Variants in EIF3H observed in about 807,000 individuals in gnomAD.
EIF3H encodes the protein eukaryotic translation initiation factor 3 subunit H.
EIF3H carries 26 observed loss-of-function variants against 44.2 expected under a neutral mutation model. That is an observed-to-expected ratio of 0.59 (90% CI 0.43 to 0.82). The LOEUF (loss-of-function observed/expected upper bound fraction) is 0.82. Ranked by LOEUF, EIF3H falls within the 40% of genes least tolerant of loss-of-function variation. The probability of loss-of-function intolerance (pLI) is 0.00; values close to 1 mark genes in which losing one functional copy is unlikely to be tolerated. For missense variants in EIF3H, 359 were observed against 432.8 expected, an observed-to-expected ratio of 0.83 and a Z score of 1.51; for synonymous variants, 166 against 151.9, an observed-to-expected ratio of 1.09 and a Z score of -0.68.
intron 1 of EIF3H, among the ~76,000 whole-genome samples, chr8:116,751,321 T>C (rs1563662343): frequency 6.6e-6 from 1 of 152,172 alleles, no homozygotes; most frequent in East Asian, 1.9e-4. Flanking sequence ...TATTAGAACA[T>C]AAATTAGTAT....
chr8:116,729,374 C>A lies in EIF3H; in HGVS notation c.133-3202G>T, dbSNP rs544742330. On this transcript the variant is annotated intron_variant, in intron 1 of 7. Transcript: ENST00000521861. ...ATAAAAAAATTAATATATTTTAAAA[C>A]AAGTTATTACAGTTCAAACTATATT... 4.6e-5 allele frequency among the ~76,000 whole-genome samples: 7 copies of A among 152,212 alleles called. 1 individual carries two copies. In the South Asian group the frequency reaches 1.5e-3, roughly 32 times the overall value.
At chr8:116,654,654 A>C (rs1345811836) in intron 5 of EIF3H, among the ~76,000 whole-genome samples, 1 of 152,224 alleles carries the variant, frequency 6.6e-6, no homozygotes, top group Non-Finnish European at 1.5e-5. Context: ...GTTTGCAGTC[A>C]AACAGTATGC....
At chr8:116,713,827 C>T (rs1218782145) in intron 2 of EIF3H, among the ~76,000 whole-genome samples, 1 of 151,996 alleles carries the variant, frequency 6.6e-6, no homozygotes, top group Non-Finnish European at 1.5e-5. Context: ...TTTCAAAATA[C>T]TACGTAACAA....
At chr8:116,664,812 CTT>C (rs1813641771) in intron 2 of EIF3H, among the ~76,000 whole-genome samples, 4 of 152,060 alleles carry the variant, frequency 2.6e-5, no homozygotes, top group African/African-American at 2.4e-5. Flanking sequence ...TATTTAATGA[CTT>C]AATATTTTAT....
intron 6 of EIF3H, 150 bp from the exon 7 acceptor site, chr8:116,646,753 A>C: frequency 9.2e-7 from 1 of 1,092,460 alleles, no homozygotes; most frequent in Non-Finnish European, 1.3e-6. Flanking sequence ...CTTGCGTCTA[A>C]GAAGCTAAAT....
Position 116,755,790 on chromosome 8 carries a change from G to T in EIF3H, c.8C>A (p.Ser3Tyr). Reference sequence around the variant, plus strand: ...AGTAGAGCCGGTACCTTCCTTGCGGGACGCCATCTTTCCAAGCAGACAGGA... The same window carrying T: ...AGTAGAGCCGGTACCTTCCTTGCGGTACGCCATCTTTCCAAGCAGACAGGA... MA[S>Y]RKEGTGSTAT... is the part of the protein sequence containing the mutation. Residue 3 changes from serine to tyrosine, a missense_variant, in exon 1 of 8, where the codon TCC becomes TAC. By Grantham distance (144) the Ser-to-Tyr change is moderately radical. Coordinates refer to ENST00000521861, the MANE Select transcript of EIF3H (RefSeq NM_003756.3). 1 of 1,613,608 alleles carries T rather than the reference G, an allele frequency of 6.2e-7. No individual in the cohort carries two copies. Among genetic ancestry groups the T allele is most frequent in the Non-Finnish European group, 8.5e-7 (1 of 1,180,026 alleles).
At position 116,743,806 on chromosome 8, in the gene EIF3H, ACAC is replaced by A. The variant is rs1563659991; in HGVS notation, c.132+11857_132+11859del. ...TATATATATATATATATAAACACAC[ACAC>A]ACACACACACACACACACACACACA... On this transcript the variant is annotated intron_variant, in intron 1 of 7. Transcript: ENST00000521861. Among the ~76,000 whole-genome samples, 84 of 17,156 alleles carry A rather than the reference ACAC, an allele frequency of 4.9e-3. 1 individual carries two copies. The highest frequency in any genetic ancestry group is 0.014 in the Admixed American group (23 of 1,660). 11.3% of individuals were successfully genotyped at this position (17,156 alleles called of 152,430 possible).
At chr8:116,670,220 A>G (rs1298804298) in intron 2 of EIF3H, among the ~76,000 whole-genome samples, 3 of 152,216 alleles carry the variant, frequency 2.0e-5, no homozygotes, top group African/African-American at 7.2e-5. Context: ...GGTCACAAGT[A>G]CTGAGATGCA....
intron 1 of EIF3H, among the ~76,000 whole-genome samples, chr8:116,732,095 G>A (rs997253033): frequency 6.6e-6 from 1 of 152,154 alleles, no homozygotes; most frequent in African/African-American, 2.4e-5. Flanking sequence ...CCTGTCTGCT[G>A]AAATTACCCT....
chr8:116,712,257 C>T (rs904429953), intron 2 of EIF3H, among the ~76,000 whole-genome samples: 1 of 152,124 alleles, frequency 6.6e-6, no homozygotes, highest in African/African-American at 2.4e-5. Context: ...AATATGTCTC[C>T]ATAAGGGAGT....
intron 1 of EIF3H, among the ~76,000 whole-genome samples, chr8:116,749,101 T>A (rs918099203): frequency 2.9e-4 from 44 of 152,258 alleles, no homozygotes; most frequent in Non-Finnish European, 4.9e-4. Context: ...TCTAATAAGA[T>A]AACTTAAAGG....
intron 5 of EIF3H, among the ~76,000 whole-genome samples, chr8:116,649,361 T>A (rs1434336151): frequency 2.0e-5 from 3 of 152,208 alleles, no homozygotes; most frequent in Admixed American, 2.0e-4. Flanking sequence ...GATTTCTCTA[T>A]CTAGGTTTTA....
intron 1 of EIF3H, among the ~76,000 whole-genome samples, chr8:116,744,226 A>AC (rs1322726988): frequency 2.6e-5 from 4 of 151,546 alleles, no homozygotes; most frequent in Non-Finnish European, 5.9e-5. Context: ...AAAAAAAAAA[A>AC]AACAAACAGT....
intron 1 of EIF3H, among the ~76,000 whole-genome samples, chr8:116,749,440 G>A (rs1815292145): frequency 6.6e-6 from 1 of 152,166 alleles, no homozygotes; most frequent in Admixed American, 6.5e-5. Context: ...CTCAAGTGTA[G>A]CCAACATTGC....
At chr8:116,766,281 G>C (rs996892627), upstream of EIF3H, 4 of 283,310 alleles carry the variant, frequency 1.4e-5, no homozygotes, top group Middle Eastern at 1.1e-3. Flanking sequence ...CACGCTAAAT[G>C]TATTCTCGTA....
intron 2 of EIF3H, among the ~76,000 whole-genome samples, chr8:116,669,542 T>G (rs1022250221): frequency 6.6e-6 from 1 of 152,154 alleles, no homozygotes; most frequent in African/African-American, 2.4e-5. Flanking sequence ...TAAAGTAGGT[T>G]AAATATAGCA....
chr8:116,756,877 T>A (rs1210722704), upstream of EIF3H, among the ~76,000 whole-genome samples: 2 of 152,194 alleles, frequency 1.3e-5, no homozygotes, highest in Non-Finnish European at 2.9e-5. Flanking sequence ...CTGGTAAAAT[T>A]ACACTAGAAA....
intron 1 of EIF3H, among the ~76,000 whole-genome samples, chr8:116,739,807 G>T (rs1005595354): frequency 3.3e-5 from 5 of 152,130 alleles, no homozygotes; most frequent in African/African-American, 1.2e-4. Flanking sequence ...GGGTCTCCCC[G>T]ACTGAGCTGG....
At position 116,645,006 on chromosome 8, in the gene EIF3H, T is replaced by TAC; in HGVS notation, c.1058_1059insGT (p.Ter353=). The change falls in exon 8 of 8, where the codon TAA becomes TAGTA. Residue 353 remains the stop codon, a frameshift_variant and stop_retained_variant. Transcript: ENST00000521861. LOFTEE classifies it high-confidence loss of function. ...CTTCTTTTCTGGAAACTTCCTTTTC[T>TAC]TAGTTGTTGTATTCTTGAAGAGCCT... ...MAQALQEYNN[*] is the part of the protein sequence containing the mutation. 1 of 1,613,064 alleles carries TAC rather than the reference T, an allele frequency of 6.2e-7. No individual in the cohort carries two copies. The highest frequency in any genetic ancestry group is 8.5e-7 in the Non-Finnish European group (1 of 1,179,242).
Sources: gnomAD v4.1 joint callset for allele counts (sites outside exome capture counted in the v4.1 genomes callset) on GRCh38, gnomAD v4.1.1 for gene constraint, MANE v1.5 for transcripts, NCBI Gene and HGNC (gene_info 2026-07-23, HGNC 2026-07-21) for gene names.